Variants in EFTUD2 observed in about 807,000 individuals in gnomAD.
EFTUD2 encodes the protein elongation factor Tu GTP binding domain containing 2.
EFTUD2 carries 9 observed loss-of-function variants against 114.3 expected under a neutral mutation model. The ratio of observed to expected loss-of-function variants is 0.08; its 90% CI spans 0.05 to 0.14. The LOEUF (loss-of-function observed/expected upper bound fraction) is 0.14, where lower values mean the gene tolerates loss of function less well. Among genes scored for constraint, EFTUD2 ranks in the 10% least tolerant of loss-of-function variants. The pLI is 1.00. For missense variants in EFTUD2, 765 were observed against 1,241.2 expected (o/e 0.62, Z 5.76); for synonymous variants, 449 against 462.3 (o/e 0.97, Z 0.37).
chr17:44,872,587 G>A lies in EFTUD2; in HGVS notation c.870-17C>T. On this transcript the variant is annotated splice_polypyrimidine_tract_variant and intron_variant, in intron 10 of 27. Transcript: ENST00000426333. The stretch of plus-strand genomic sequence containing the variant: ...GAATACATGCTGAAACAGAGACAGT[G>A]GTGAACACAGTGCCAGGCTGCAGCA... 1 of 1,595,316 alleles carries A rather than the reference G, an allele frequency of 6.3e-7. No homozygotes were observed. The highest frequency in any genetic ancestry group is 8.5e-7 in the Non-Finnish European group (1 of 1,169,630).
chr17:44,853,948 T>C (rs769143231), intron 23 of EFTUD2: 165 of 1,358,042 alleles, frequency 1.2e-4, no homozygotes, highest in Non-Finnish European at 1.3e-4. Context: ...GTACATTTGG[T>C]CCATGAAGCC....
chr17:44,882,806 C>G (rs1225085608), intron 6 of EFTUD2, among the ~76,000 whole-genome samples: 1 of 152,056 alleles, frequency 6.6e-6, no homozygotes, highest in Non-Finnish European at 1.5e-5. Context: ...GCTATTAATA[C>G]TATAACAGGA....
chr17:44,859,155 G>A lies in EFTUD2; in HGVS notation c.1887C>T (p.Ile629=). The A allele has an allele frequency of 5.0e-6, 8 of 1,613,910 alleles. No homozygotes were observed. The highest frequency in any genetic ancestry group is 6.8e-6 in the Non-Finnish European group (8 of 1,179,804). Residue 629 remains isoleucine, a synonymous_variant, in exon 19 of 28, where the codon ATC becomes ATT. Coordinates refer to ENST00000426333, the MANE Select transcript of EFTUD2 (RefSeq NM_004247.4). The stretch of plus-strand genomic sequence containing the variant: ...CCAGGTAGAGCTCCCCAGTGCCCAG[G>A]ATCACATGCTCGCCAGACTCCTCCA... ...TKVEESGEHV[I]LGTGELYLDC...
Position 44,854,464 on chromosome 17 carries a change from A to G in EFTUD2, c.2259+92T>C. On this transcript the variant is annotated intron_variant, in intron 22 of 27. Transcript: ENST00000426333. This position sits in a 1 kb window ranked among gnomAD's most constrained non-coding sequence, Gnocchi z 4.3. ...AGGGGATACTGTCCTTCACCAGAGGACACAAGATACTTTTGGGAAAAGAAC... is the reference window on the plus strand; with the variant it reads ...AGGGGATACTGTCCTTCACCAGAGGGCACAAGATACTTTTGGGAAAAGAAC... The G allele has an allele frequency of 1.3e-6, 2 of 1,578,576 alleles. No homozygotes were observed. Among genetic ancestry groups the G allele is most frequent in the Non-Finnish European group, 1.7e-6 (2 of 1,158,970 alleles).
intron 18 of EFTUD2, 152 bp downstream of exon 18, chr17:44,859,753 T>A: frequency 7.9e-7 from 1 of 1,273,600 alleles, no homozygotes; most frequent in South Asian, 1.4e-5. Context: ...TTGTCCTGCC[T>A]TGACATGACA....
intron 11 of EFTUD2, 95 bp from the exon 12 acceptor site, chr17:44,868,445 T>A: frequency 8.3e-7 from 1 of 1,211,128 alleles, no homozygotes; most frequent in African/African-American, 1.5e-5. Flanking sequence ...TGAGAACTTC[T>A]AGCACTTTCC....
intron 20 of EFTUD2, among the ~76,000 whole-genome samples, chr17:44,856,758 C>CAA (rs551023404): frequency 0.013 from 1,581 of 124,686 alleles, 22 homozygotes; most frequent in African/African-American, 0.038. Flanking sequence ...CAGCCTGTGT[C>CAA]AAAAAAAAAA....
chr17:44,886,891 C>A, intron 2 of EFTUD2, 141 bp from the exon 3 acceptor site: 1 of 1,405,768 alleles, frequency 7.1e-7, no homozygotes, highest in East Asian at 2.5e-5. Flanking sequence ...GGGGAGGTTC[C>A]ACTCCTTTGA....
intron 2 of EFTUD2, among the ~76,000 whole-genome samples, chr17:44,889,688 T>C (rs1214675589): frequency 6.6e-6 from 1 of 152,186 alleles, no homozygotes; most frequent in African/African-American, 2.4e-5. Context: ...GCCAACCTCT[T>C]CCTTAAGAAC....
intron 23 of EFTUD2, chr17:44,853,891 TC>T: frequency 7.2e-7 from 1 of 1,381,184 alleles, no homozygotes; most frequent in East Asian, 2.7e-5. Flanking sequence ...ATTTCCTTCT[TC>T]TGCACATATT....
At chr17:44,860,683 C>T (rs2050640138) in intron 16 of EFTUD2, 140 bp from the exon 17 acceptor site, 2 of 606,630 alleles carry the variant, frequency 3.3e-6, no homozygotes, top group Middle Eastern at 4.5e-4. Context: ...ACTGCAGCCT[C>T]GAACTTCCAA....
chr17:44,862,472 G>A (rs1162116068), intron 16 of EFTUD2, among the ~76,000 whole-genome samples: 3 of 152,056 alleles, frequency 2.0e-5, no homozygotes, highest in East Asian at 1.9e-4. Flanking sequence ...AAGTTCACAC[G>A]AGCCACCCAA....
intron 18 of EFTUD2, 194 bp downstream of exon 18, chr17:44,859,711 T>G: frequency 1.2e-6 from 1 of 835,702 alleles, no homozygotes. Context: ...AGGTCTTGTT[T>G]TAACACACAC....
chr17:44,856,809 T>C (rs2050564312), intron 20 of EFTUD2, among the ~76,000 whole-genome samples: 1 of 151,568 alleles, frequency 6.6e-6, no homozygotes, highest in Non-Finnish European at 1.5e-5. Context: ...TGGAGTAAAC[T>C]TTTAAGATAG....
chr17:44,873,855 C>T lies in EFTUD2; in HGVS notation c.870-1285G>A, dbSNP rs549901347. Among the ~76,000 whole-genome samples the T allele has an allele frequency of 5.3e-5, 8 of 151,570 alleles. No homozygotes were observed. The East Asian group carries it at 1.4e-3, about 26-fold the overall frequency. On this transcript the variant is annotated intron_variant, in intron 10 of 27. Coordinates refer to ENST00000426333, the MANE Select transcript of EFTUD2 (RefSeq NM_004247.4). ...CACGCCATTCTCCTGCCTCAGCCTC[C>T]TCAGTAGCTGGGATTACAGGCGCCC...
At chr17:44,893,409 C>T (rs913674446) in intron 2 of EFTUD2, among the ~76,000 whole-genome samples, 2 of 152,212 alleles carry the variant, frequency 1.3e-5, no homozygotes, top group African/African-American at 4.8e-5. Context: ...GCATGAGCCA[C>T]CACGCCCGGG....
At chr17:44,860,711 T>G (rs1350241483) in intron 16 of EFTUD2, among the ~76,000 whole-genome samples, 168 bp from the exon 17 acceptor site, 3 of 151,702 alleles carry the variant, frequency 2.0e-5, no homozygotes, top group Non-Finnish European at 4.4e-5. Flanking sequence ...GTGATCCTTC[T>G]GCGTCAGCCC....
chr17:44,894,115 C>T (rs2051332917), intron 2 of EFTUD2: 1 of 268,334 alleles, frequency 3.7e-6, no homozygotes, highest in Non-Finnish European at 7.1e-6. Context: ...GTGGCTCATG[C>T]CTGTAATCCT....
chr17:44,864,409 C>A (rs1443093569), intron 14 of EFTUD2, among the ~76,000 whole-genome samples: 3 of 152,184 alleles, frequency 2.0e-5, no homozygotes, highest in Admixed American at 2.0e-4. Flanking sequence ...TTTCCACTTC[C>A]CTGATTTTAC....
Sources: gnomAD v4.1 joint callset for allele counts (sites outside exome capture counted in the v4.1 genomes callset) on GRCh38, gnomAD v4.1.1 for gene constraint, Gnocchi (gnomAD v3.1) non-coding constraint, MANE v1.5 for transcripts, NCBI Gene and HGNC (gene_info 2026-07-23, HGNC 2026-07-21) for gene names.